The following ENOX1 variants were observed in gnomAD, a reference collection of about 807,000 sequenced individuals.
ENOX1 encodes the protein ecto-NOX disulfide-thiol exchanger 1.
Under a neutral mutation model 82.5 loss-of-function variants are expected in ENOX1, and 42 were observed. The ratio of observed to expected loss-of-function variants is 0.51; its 90% CI spans 0.40 to 0.66. ENOX1 has a LOEUF of 0.66. Among genes scored for constraint, ENOX1 ranks in the 30% least tolerant of loss-of-function variants. ENOX1 has a pLI of 0.00. For missense variants in ENOX1, 608 were observed against 811.6 expected, an observed-to-expected ratio of 0.75 and a Z score of 3.05; for synonymous variants, 271 against 282.2, an observed-to-expected ratio of 0.96 and a Z score of 0.40.
intron 3 of ENOX1, among the ~76,000 whole-genome samples, chr13:43,420,391 A>G (rs541275628): frequency 4.9e-4 from 75 of 152,300 alleles, no homozygotes; most frequent in Admixed American, 2.3e-3. Context: ...AATTCTCACT[A>G]TCATCTTTTC....
intron 7 of ENOX1, 42 bp downstream of exon 7, chr13:43,359,809 A>G (rs370077396): frequency 2.5e-6 from 4 of 1,572,538 alleles, no homozygotes; most frequent in East Asian, 4.5e-5. Context: ...ATCACAAAAC[A>G]TAACAAAATG....
chr13:43,540,012 T>C (rs576836794), intron 2 of ENOX1, among the ~76,000 whole-genome samples: 3 of 152,348 alleles, frequency 2.0e-5, no homozygotes, highest in East Asian at 3.9e-4. Flanking sequence ...TTATCCATTC[T>C]TGTATATTTT....
intron 11 of ENOX1, among the ~76,000 whole-genome samples, chr13:43,310,409 T>TAA: frequency 6.6e-6 from 1 of 151,830 alleles, no homozygotes; most frequent in East Asian, 1.9e-4. Flanking sequence ...ATGATTTTTT[T>TAA]AAAAATGACT....
chr13:43,542,048 G>C (rs960894290), intron 2 of ENOX1, among the ~76,000 whole-genome samples: 1 of 152,186 alleles, frequency 6.6e-6, no homozygotes, highest in Non-Finnish European at 1.5e-5. Flanking sequence ...TCTGCAGAAC[G>C]TCAATAACAA....
intron 2 of ENOX1, among the ~76,000 whole-genome samples, chr13:43,501,004 C>T (rs1045997379): frequency 2.0e-5 from 3 of 151,570 alleles, no homozygotes; most frequent in Non-Finnish European, 4.4e-5. Flanking sequence ...AACAAAAGAA[C>T]TATAAAACAA....
intron 2 of ENOX1, among the ~76,000 whole-genome samples, chr13:43,514,003 T>G (rs533476607): frequency 8.5e-4 from 129 of 152,298 alleles, no homozygotes; most frequent in Non-Finnish European, 1.6e-3. Context: ...TTTATATACA[T>G]ATTTGCATGT....
At position 43,687,894 on chromosome 13, in the gene ENOX1, A is replaced by G. The variant is rs1004875398; in HGVS notation, c.-284-20350T>C. Among the ~76,000 whole-genome samples, 9 of 152,148 alleles carry G rather than the reference A, an allele frequency of 5.9e-5. 1 individual carries two copies. The highest frequency in any genetic ancestry group is 2.2e-4 in the African/African-American group (9 of 41,436). ...AGCCTCTAGACAACATACCTTTTAC[A>G]TTTTGACCTGAGAGATAAGTGAGAC... On this transcript the variant is annotated intron_variant, in intron 1 of 16. Transcript: ENST00000690772.
intron 5 of ENOX1, among the ~76,000 whole-genome samples, chr13:43,379,336 A>G (rs1232784624): frequency 1.3e-5 from 2 of 152,182 alleles, no homozygotes; most frequent in Non-Finnish European, 2.9e-5. Flanking sequence ...AATGAGAAAA[A>G]TAAAACAGTA....
At chr13:43,416,785 C>T (rs894839103) in intron 3 of ENOX1, among the ~76,000 whole-genome samples, 9 of 151,504 alleles carry the variant, frequency 5.9e-5, no homozygotes, top group South Asian at 2.1e-4. Flanking sequence ...CAGGCAGAGA[C>T]GCTCCCCACT....
chr13:43,775,654 G>C (rs376768343), intron 1 of ENOX1, among the ~76,000 whole-genome samples: 4 of 152,178 alleles, frequency 2.6e-5, no homozygotes, highest in Admixed American at 6.5e-5. Flanking sequence ...TAGAGATAGC[G>C]CTAAAGCTTG....
At chr13:43,398,708 C>CT (rs1284970917) in intron 5 of ENOX1, among the ~76,000 whole-genome samples, 1 of 151,946 alleles carries the variant, frequency 6.6e-6, no homozygotes, top group Admixed American at 6.6e-5. Context: ...TCCTCCCAGC[C>CT]TACCCAACGT....
chr13:43,698,096 G>A (rs554459239), intron 1 of ENOX1, among the ~76,000 whole-genome samples: 28 of 152,296 alleles, frequency 1.8e-4, no homozygotes, highest in African/African-American at 6.7e-4. Context: ...CAGGAGAGAA[G>A]GAGATCAGAG....
At chr13:43,452,688 A>G (rs1038935668) in intron 3 of ENOX1, among the ~76,000 whole-genome samples, 4 of 151,998 alleles carry the variant, frequency 2.6e-5, no homozygotes, top group African/African-American at 9.7e-5. Context: ...ACACCTGGCT[A>G]ATTTTTGTAT....
intron 3 of ENOX1, among the ~76,000 whole-genome samples, chr13:43,428,497 C>G (rs937166485): frequency 3.3e-5 from 5 of 152,200 alleles, no homozygotes; most frequent in African/African-American, 1.2e-4. Flanking sequence ...CACAACTGTA[C>G]TGCCTGATAG....
intron 1 of ENOX1, among the ~76,000 whole-genome samples, chr13:43,769,432 T>C (rs1004153032): frequency 6.6e-6 from 1 of 152,152 alleles, no homozygotes; most frequent in Non-Finnish European, 1.5e-5. Flanking sequence ...TTTTTTTTTT[T>C]ACTAAATTCA....
At chr13:43,245,859 T>C (rs776900974) in intron 14 of ENOX1, among the ~76,000 whole-genome samples, 2 of 152,224 alleles carry the variant, frequency 1.3e-5, no homozygotes, top group African/African-American at 4.8e-5. Context: ...TGGGGTTCAA[T>C]TGCCGGATCG....
chr13:43,354,234 T>C (rs2049996552), intron 8 of ENOX1, among the ~76,000 whole-genome samples: 1 of 152,222 alleles, frequency 6.6e-6, no homozygotes, highest in Non-Finnish European at 1.5e-5. Flanking sequence ...GAGGGAAAAG[T>C]GAGATGATAT....
chr13:43,595,243 G>A (rs1326092494), intron 2 of ENOX1, among the ~76,000 whole-genome samples: 1 of 151,772 alleles, frequency 6.6e-6, no homozygotes, highest in Non-Finnish European at 1.5e-5. Context: ...ATAGAAGTTT[G>A]TAGAGTAATA....
intron 2 of ENOX1, among the ~76,000 whole-genome samples, chr13:43,580,503 A>G (rs2080667508): frequency 6.6e-6 from 1 of 152,246 alleles, no homozygotes. Flanking sequence ...GTGAATACCT[A>G]AAAATACACA....
Sources: allele counts gnomAD v4.1 joint callset (sites outside exome capture counted in the v4.1 genomes callset), GRCh38; gene constraint gnomAD v4.1.1; transcripts MANE v1.5; gene names NCBI Gene and HGNC (gene_info 2026-07-23, HGNC 2026-07-21).